Variants in SYNM observed in about 807,000 individuals in gnomAD.
SYNM encodes the protein synemin.
SYNM carries 95 observed loss-of-function variants against 104.0 expected under a neutral mutation model. The observed-to-expected ratio is 0.91, with a 90% CI of 0.77 to 1.08. The LOEUF is 1.08. Among genes scored for constraint, SYNM ranks in the 50% least tolerant of loss-of-function variants. The probability of loss-of-function intolerance (pLI) is 0.00; values close to 1 mark genes in which losing one functional copy is unlikely to be tolerated. For missense variants in SYNM, 2,150 were observed against 2,052.2 expected (o/e 1.05, Z -0.92); for synonymous variants, 918 against 869.0 (o/e 1.06, Z -0.99).
chr15:99,108,733 A>G (rs1341026308), intron 1 of SYNM, among the ~76,000 whole-genome samples: 1 of 152,188 alleles, frequency 6.6e-6, no homozygotes, highest in African/African-American at 2.4e-5. Flanking sequence ...ATTAGTAAGT[A>G]GTTAAGCCAG....
intron 2 of SYNM, among the ~76,000 whole-genome samples, chr15:99,122,675 A>G (rs1440903058): frequency 6.6e-6 from 1 of 151,996 alleles, no homozygotes; most frequent in Non-Finnish European, 1.5e-5. Flanking sequence ...ATCTCTACAA[A>G]CGATACAAAA....
rs1405797474 is a variant in SYNM, at chr15:99,105,537, TGGG to T, written c.339_341del (p.Gly114del). Reference sequence around the variant, plus strand: ...GCCCGCGGCCGCCTGGACGCCGAGCTGGGTGCGCAGCAGCGCGAGCTGCAGGAG... The same window carrying T: ...GCCCGCGGCCGCCTGGACGCCGAGCTTGCGCAGCAGCGCGAGCTGCAGGAG... On this transcript the variant is annotated inframe_deletion, in exon 1 of 4. Coordinates refer to ENST00000336292, the MANE Select transcript of SYNM (RefSeq NM_145728.3). 6 of 1,240,928 alleles carry T rather than the reference TGGG, an allele frequency of 4.8e-6. No individual in the cohort carries two copies. The African/African-American group carries it at 9.6e-5, about 20-fold the overall frequency. The allele number at this position is 1,240,928 out of a possible 1,614,324, so 76.9% of individuals were successfully genotyped here. A position where few individuals can be genotyped will look rare whatever the true frequency, so the allele number is the denominator to read the frequency against.
intron 1 of SYNM, among the ~76,000 whole-genome samples, chr15:99,109,417 G>A (rs2067280267): frequency 6.6e-6 from 1 of 152,176 alleles, no homozygotes; most frequent in Non-Finnish European, 1.5e-5. Context: ...TAGCTGCTGA[G>A]GCTGACTGGA....
At chr15:99,136,560 C>T (rs1279204112), downstream of SYNM, 1 of 152,214 alleles carries the variant, frequency 6.6e-6, no homozygotes, top group African/African-American at 2.4e-5. Context: ...GATCATCTCT[C>T]TGGTGTCTCT....
chr15:99,131,064 C>T lies in SYNM; in HGVS notation c.2704C>T (p.Leu902=), dbSNP rs1555485743. The T allele has an allele frequency of 6.2e-7, 1 of 1,606,096 alleles. No homozygotes were observed. The highest frequency in any genetic ancestry group is 8.5e-7 in the Non-Finnish European group (1 of 1,176,070). The change falls in exon 4 of 4, where the codon CTG becomes TTG. Residue 902 remains leucine (L), a synonymous_variant. Transcript: ENST00000336292. This position sits in a 1 kb window ranked among gnomAD's most constrained non-coding sequence, Gnocchi z 4.3. ...DVPAPSLEGD[L]GSTHWKEQAR... ...CCCAGCGCCCTCTCTGGAGGGGGAC[C>T]TGGGTTCCACTCACTGGAAAGAACA...
intron 1 of SYNM, among the ~76,000 whole-genome samples, chr15:99,113,072 C>T (rs1252685644): frequency 2.0e-5 from 3 of 152,176 alleles, no homozygotes; most frequent in African/African-American, 7.2e-5. Flanking sequence ...GCATTTCTCC[C>T]CAGATGATCT....
Position 99,105,494 on chromosome 15 carries a change from GATGCGGAGGA to G in SYNM, c.296_305del (p.Asp99GlyfsTer51), listed in dbSNP as rs1555482439. 3 of 1,312,934 alleles carry G rather than the reference GATGCGGAGGA, an allele frequency of 2.3e-6. No individual in the cohort carries two copies. The highest frequency in any genetic ancestry group is 1.9e-6 in the Non-Finnish European group (2 of 1,035,214). The allele number at this position is 1,312,934 out of a possible 1,614,324, so 81.3% of individuals were successfully genotyped here. ...CGAGCTGCGGGAGCTGCAGCGCCTGGATGCGGAGGAGCGCGCCGCCCGCGGCCGCCTGGAC... is the reference window on the plus strand; with the variant it reads ...CGAGCTGCGGGAGCTGCAGCGCCTGGGCGCGCCGCCCGCGGCCGCCTGGAC... On this transcript the variant is annotated frameshift_variant, in exon 1 of 4. Coordinates refer to ENST00000336292, the MANE Select transcript of SYNM (RefSeq NM_145728.3). LOFTEE classifies it high-confidence loss of function.
chr15:99,130,645 A>T lies in SYNM; in HGVS notation c.2285A>T (p.Glu762Val). ...AGTTATGTCAGCGGGGAGAAGCCGGAGGAGTTTTCCGTCCCATTCAAAGTG... is the reference window on the plus strand; with the variant it reads ...AGTTATGTCAGCGGGGAGAAGCCGGTGGAGTTTTCCGTCCCATTCAAAGTG... ...PVSYVSGEKP[E>V]EFSVPFKVEE... Residue 762 changes from glutamate (E) to valine (V), a missense_variant, in exon 4 of 4, where the codon GAG becomes GTG. Transcript: ENST00000336292. 6.2e-7 allele frequency: 1 copy of T among 1,613,678 alleles called. No individual in the cohort carries two copies. Among genetic ancestry groups the T allele is most frequent in the East Asian group, 2.2e-5 (1 of 44,874 alleles).
chr15:99,141,270 G>A, the SYNM span, among the ~76,000 whole-genome samples: 1 of 151,908 alleles, frequency 6.6e-6, no homozygotes, highest in East Asian at 1.9e-4. Context: ...TAACCACATA[G>A]ATGAATCTCA....
chr15:99,132,690 A>G lies in SYNM; in HGVS notation c.4330A>G (p.Ser1444Gly). 1.2e-6 allele frequency: 2 copies of G among 1,614,050 alleles called. No individual in the cohort carries two copies. The highest frequency in any genetic ancestry group is 2.2e-5 in the South Asian group (2 of 91,082). ...DSPELGKLAD[S>G]SRTLRHIAPG... is the part of the protein sequence containing the mutation. ...CCCTGAGCTAGGCAAGTTAGCAGAC[A>G]GCAGCAGAACGCTAAGGCACATTGC... The change falls in exon 4 of 4, where the codon AGC (serine) becomes GGC (glycine). Residue 1444 changes from serine (S) to glycine (G), a missense_variant. Transcript: ENST00000336292.
At position 99,130,698 on chromosome 15, in the gene SYNM, C is replaced by G; in HGVS notation, c.2338C>G (p.Pro780Ala). The change falls in exon 4 of 4, where the codon CCC becomes GCC. Residue 780 changes from proline to alanine, a missense_variant. Transcript: ENST00000336292. ...GGAGGTCGAAGATGTGTCGCCAGGCCCCTGGGGGTTGGTTAAGGAGGAGGA... is the reference window on the plus strand; with the variant it reads ...GGAGGTCGAAGATGTGTCGCCAGGCGCCTGGGGGTTGGTTAAGGAGGAGGA... ...VEEVEDVSPGPWGLVKEEEGY... is the reference protein window; with the variant it reads ...VEEVEDVSPGAWGLVKEEEGY... 1 of 1,613,816 alleles carries G rather than the reference C, an allele frequency of 6.2e-7. No individual in the cohort carries two copies. The highest frequency in any genetic ancestry group is 1.1e-5 in the South Asian group (1 of 91,036).
Position 99,130,291 on chromosome 15 carries a change from C to G in SYNM, c.1931C>G (p.Thr644Ser), listed in dbSNP as rs1353417085. The G allele has an allele frequency of 6.2e-7, 1 of 1,613,966 alleles. No homozygotes were observed. Residue 644 changes from threonine (T) to serine (S), a missense_variant, in exon 4 of 4, where the codon ACC (threonine) becomes AGC (serine). Transcript: ENST00000336292. ...MTETVAENIV[T>S]SILKQFTQSP... The stretch of plus-strand genomic sequence containing the variant: ...GAAACCGTAGCAGAAAACATCGTTA[C>G]CAGTATCCTGAAGCAGTTCACTCAG...
rs567522978 is a variant in SYNM, at chr15:99,132,598, C to T, written c.4238C>T (p.Thr1413Ile). The change falls in exon 4 of 4, where the codon ACC becomes ATC. Residue 1413 changes from threonine to isoleucine, a missense_variant. By Grantham distance (89) the Thr-to-Ile change is moderately conservative. Transcript: ENST00000336292. The stretch of plus-strand genomic sequence containing the variant: ...CGACTAGGTCCTACAGAAACGGAAA[C>T]CTCTGAACACATTGCCATCCGTGGA... Reference protein sequence around the residue: ...HIRLGPTETETSEHIAIRGPV... With the variant: ...HIRLGPTETEISEHIAIRGPV... 1.2e-5 allele frequency: 19 copies of T among 1,614,020 alleles called. No homozygotes were observed. The highest frequency in any genetic ancestry group is 4.5e-5 in the East Asian group (2 of 44,890).
chr15:99,117,917 A>G (rs1230454961), intron 2 of SYNM, among the ~76,000 whole-genome samples: 1 of 152,100 alleles, frequency 6.6e-6, no homozygotes, highest in Non-Finnish European at 1.5e-5. Flanking sequence ...CCGATTATGG[A>G]TTGATGTGGC....
rs1555485715 is a variant in SYNM at position 99,130,945 on chromosome 15, G to A, written c.2585G>A (p.Arg862Lys). ...CACATCGAGGAGGAATCCACCATCAGGTACTCTTGGCAGGATGAAATCGTG... is the reference window on the plus strand; with the variant it reads ...CACATCGAGGAGGAATCCACCATCAAGTACTCTTGGCAGGATGAAATCGTG... The part of the protein sequence containing the change: ...QIHIEEESTI[R>K]YSWQDEIVQG... The change falls in exon 4 of 4, where the codon AGG becomes AAG. Residue 862 changes from arginine (R) to lysine (K), a missense_variant. By Grantham distance (26) the Arg-to-Lys change is conservative (BLOSUM62 2). Transcript: ENST00000336292. The A allele has an allele frequency of 1.9e-6, 3 of 1,613,742 alleles. No individual in the cohort carries two copies. The South Asian group carries it at 3.3e-5, about 18-fold the overall frequency.
chr15:99,105,709 C>T lies in SYNM; in HGVS notation c.510C>T (p.Ala170=). Residue 170 remains alanine, a synonymous_variant, in exon 1 of 4, where the codon GCC becomes GCT. Coordinates refer to ENST00000336292, the MANE Select transcript of SYNM (RefSeq NM_145728.3). Reference sequence around the variant, plus strand: ...TTACCATGCATTTCCGCGCCCGCGCCACCGGCCCCGCCGCGCCGCCGCCAC... The same window carrying T: ...TTACCATGCATTTCCGCGCCCGCGCTACCGGCCCCGCCGCGCCGCCGCCAC... ...ASLTMHFRAR[A]TGPAAPPPRL... is the part of the protein sequence containing the mutation. The T allele has an allele frequency of 6.7e-7, 1 of 1,493,722 alleles. No homozygotes were observed. The highest frequency in any genetic ancestry group is 8.9e-7 in the Non-Finnish European group (1 of 1,126,790). 92.5% of individuals were successfully genotyped at this position (1,493,722 alleles called of 1,614,324 possible).
intron 1 of SYNM, among the ~76,000 whole-genome samples, chr15:99,112,089 A>G (rs1034008584): frequency 2.6e-5 from 4 of 152,200 alleles, no homozygotes; most frequent in Admixed American, 1.3e-4. Flanking sequence ...TCCATGTGCA[A>G]TCTTGTAGAG....
chr15:99,139,165 G>C, downstream of SYNM: 1 of 906,708 alleles, frequency 1.1e-6, no homozygotes, highest in Non-Finnish European at 1.7e-6. Flanking sequence ...TTACAACTCG[G>C]GTTTCAAAGG....
At chr15:99,112,265 A>T (rs2067306074) in intron 1 of SYNM, among the ~76,000 whole-genome samples, 1 of 152,216 alleles carries the variant, frequency 6.6e-6, no homozygotes, top group African/African-American at 2.4e-5. Context: ...AGCTTAGTTT[A>T]GTTAATGATG....
Sources: allele counts gnomAD v4.1 joint callset (sites outside exome capture counted in the v4.1 genomes callset), GRCh38; gene constraint gnomAD v4.1.1; non-coding constraint Gnocchi (gnomAD v3.1); transcripts MANE v1.5; gene names NCBI Gene and HGNC (gene_info 2026-07-23, HGNC 2026-07-21).